ALK: variants seen among roughly 807,000 people sequenced by gnomAD.
ALK encodes ALK tyrosine kinase receptor.
In ALK, 74 loss-of-function variants were observed where a neutral mutation model predicts 163.1. That is an observed-to-expected ratio of 0.45 (90% CI 0.38 to 0.55). ALK has a LOEUF of 0.55. Ranked by LOEUF, ALK falls within the 20% of genes least tolerant of loss-of-function variation. The probability of loss-of-function intolerance (pLI) is 0.00; values close to 1 mark genes in which losing one functional copy is unlikely to be tolerated. For missense variants in ALK, 2,063 were observed against 2,105.3 expected, an observed-to-expected ratio of 0.98 and a Z score of 0.39; for synonymous variants, 960 against 843.2, an observed-to-expected ratio of 1.14 and a Z score of -2.40.
At chr2:29,618,307 C>A (rs550364067) in intron 3 of ALK, among the ~76,000 whole-genome samples, 2 of 152,140 alleles carry the variant, frequency 1.3e-5, no homozygotes, top group Non-Finnish European at 2.9e-5. Flanking sequence ...AACAACTGAC[C>A]TCTGCTTTGT....
chr2:29,850,948 G>C (rs1665974484), intron 1 of ALK, among the ~76,000 whole-genome samples: 2 of 152,170 alleles, frequency 1.3e-5, no homozygotes, highest in South Asian at 4.1e-4. Context: ...CCCTTCACCG[G>C]TGCCGGTGTG....
intron 23 of ALK, among the ~76,000 whole-genome samples, chr2:29,214,959 G>GTGT (rs148256366): frequency 0.012 from 1,754 of 152,332 alleles, 16 homozygotes; most frequent in Non-Finnish European, 0.017. Flanking sequence ...GGTTCAGTGA[G>GTGT]TGTTGCGTGG....
intron 3 of ALK, among the ~76,000 whole-genome samples, chr2:29,566,272 C>T (rs1392749269): frequency 6.6e-6 from 1 of 152,228 alleles, no homozygotes; most frequent in Admixed American, 6.5e-5. Flanking sequence ...TTAGTCTAGG[C>T]ATCTTGGGTT....
chr2:29,797,101 G>A (rs1664337113), intron 1 of ALK, among the ~76,000 whole-genome samples: 1 of 151,366 alleles, frequency 6.6e-6, no homozygotes, highest in African/African-American at 2.4e-5. Flanking sequence ...CTAACAGAAA[G>A]ATGTATAGAA....
intron 2 of ALK, among the ~76,000 whole-genome samples, chr2:29,696,673 T>C (rs1573563460): frequency 1.3e-5 from 2 of 151,982 alleles, no homozygotes; most frequent in South Asian, 4.2e-4. Flanking sequence ...CGTATCATTA[T>C]AATGCAAAAG....
intron 1 of ALK, among the ~76,000 whole-genome samples, chr2:29,830,768 G>A (rs957765948): frequency 3.6e-5 from 5 of 139,312 alleles, no homozygotes; most frequent in Non-Finnish European, 7.6e-5. Context: ...GCCAAGCATG[G>A]TGGCATGTGC....
intron 22 of ALK, 46 bp from the exon 23 acceptor site, chr2:29,220,881 T>C (rs1205740970): frequency 3.1e-6 from 5 of 1,612,530 alleles, no homozygotes; most frequent in Non-Finnish European, 1.7e-6. Flanking sequence ...GAGCTGAGTC[T>C]GGGCAAATCT....
rs973647015 is a variant in ALK, at chr2:29,328,322, G to C, written c.1414+28C>G. On this transcript the variant is annotated intron_variant, in intron 6 of 28. Coordinates refer to ENST00000389048, the MANE Select transcript of ALK (RefSeq NM_004304.5). ...GGTTATGAGCATGGGCTGGGCTCAG[G>C]CAGGGTGGGGCAGCCCCATCTACTC... The C allele has an allele frequency of 5.0e-6, 8 of 1,613,870 alleles. No homozygotes were observed. The African/African-American group carries it at 8.0e-5, about 16-fold the overall frequency.
intron 8 of ALK, among the ~76,000 whole-genome samples, chr2:29,311,939 G>A (rs541183272): frequency 6.6e-6 from 1 of 152,230 alleles, no homozygotes; most frequent in South Asian, 2.1e-4. Context: ...GAGCTCCCAT[G>A]CCCATGCTGG....
intron 1 of ALK, among the ~76,000 whole-genome samples, chr2:29,798,776 A>G (rs1367020441): frequency 2.0e-5 from 3 of 152,202 alleles, no homozygotes; most frequent in Non-Finnish European, 4.4e-5. Flanking sequence ...AGGGAGAATA[A>G]TACCCAGAAA....
intron 12 of ALK, among the ~76,000 whole-genome samples, chr2:29,247,662 A>G (rs528918857): frequency 6.0e-4 from 91 of 152,254 alleles, no homozygotes; most frequent in Non-Finnish European, 9.6e-4. Context: ...CCAACTGTGT[A>G]CATCCTGGAG....
In ALK at chr2:29,528,613, C is replaced by G. The variant is rs576309787; in HGVS notation, c.1154+3302G>C. On this transcript the variant is annotated intron_variant, in intron 4 of 28. Transcript: ENST00000389048. ...TCTTTGGCTGTGTCATCTTTGGCAC[C>G]TGCCACACAAGAGGCACTCAATCCA... Among the ~76,000 whole-genome samples the G allele has an allele frequency of 2.6e-5, 4 of 152,204 alleles. 1 individual carries two copies. In the East Asian group the frequency reaches 7.7e-4, roughly 29 times the overall value.
chr2:29,819,887 G>C (rs925220038), intron 1 of ALK, among the ~76,000 whole-genome samples: 1 of 152,150 alleles, frequency 6.6e-6, no homozygotes, highest in African/African-American at 2.4e-5. Context: ...AATGAAATGT[G>C]TCTTTCTTGG....
intron 3 of ALK, among the ~76,000 whole-genome samples, chr2:29,618,851 C>T (rs1003024293): frequency 9.2e-5 from 14 of 152,160 alleles, no homozygotes; most frequent in African/African-American, 2.9e-4. Context: ...TGGTGGCGCA[C>T]GCCTGTAATC....
intron 3 of ALK, among the ~76,000 whole-genome samples, chr2:29,589,612 A>G (rs1294353083): frequency 1.3e-5 from 2 of 152,198 alleles, no homozygotes; most frequent in African/African-American, 4.8e-5. Context: ...TCAAACACTC[A>G]CAGCCTGCTG....
intron 4 of ALK, among the ~76,000 whole-genome samples, chr2:29,525,606 A>C (rs1672936869): frequency 6.6e-6 from 1 of 151,972 alleles, no homozygotes; most frequent in Admixed American, 6.6e-5. Flanking sequence ...CCTGGCCAAG[A>C]TGGTAAAACC....
chr2:29,205,209 A>G (rs1669281465), intron 26 of ALK, among the ~76,000 whole-genome samples: 1 of 152,224 alleles, frequency 6.6e-6, no homozygotes, highest in Non-Finnish European at 1.5e-5. Context: ...TAAACTTTCT[A>G]CATGTTTCTT....
At chr2:29,693,958 T>C (rs747234213) in intron 3 of ALK, among the ~76,000 whole-genome samples, 3 of 152,162 alleles carry the variant, frequency 2.0e-5, no homozygotes, top group Non-Finnish European at 4.4e-5. Context: ...TGGGAGTGCT[T>C]TGCAAACTGA....
chr2:29,861,098 C>T (rs1017191070), intron 1 of ALK, among the ~76,000 whole-genome samples: 3 of 152,120 alleles, frequency 2.0e-5, no homozygotes, highest in Non-Finnish European at 2.9e-5. Flanking sequence ...CTCGAGCCCA[C>T]GAGGTCAAGG....
Sources: gnomAD v4.1 joint callset for allele counts (sites outside exome capture counted in the v4.1 genomes callset) on GRCh38, gnomAD v4.1.1 for gene constraint, MANE v1.5 for transcripts, NCBI Gene and HGNC (gene_info 2026-07-23, HGNC 2026-07-21) for gene names.